GALNT7: variants seen among roughly 807,000 people sequenced by gnomAD.
GALNT7 encodes N-acetylgalactosaminyltransferase 7.
Under a neutral mutation model 82.1 loss-of-function variants are expected in GALNT7, and 60 were observed. That is an observed-to-expected ratio of 0.73 (90% CI 0.59 to 0.91). The LOEUF (loss-of-function observed/expected upper bound fraction) is 0.91, where lower values mean the gene tolerates loss of function less well. Ranked by LOEUF, GALNT7 falls within the 40% of genes least tolerant of loss-of-function variation. GALNT7 has a pLI of 0.00. For synonymous variants in GALNT7, 243 were observed against 275.1 expected (o/e 0.88, Z 1.15); for missense variants, 660 against 804.2 (o/e 0.82, Z 2.17).
chr4:173,320,908 C>T lies in GALNT7; in HGVS notation c.1837-672C>T, dbSNP rs1278557787. Among the ~76,000 whole-genome samples, 2 of 152,190 alleles carry T rather than the reference C, an allele frequency of 1.3e-5. No homozygotes were observed. ...CAACTGTGTGTGGCCATGAGCAATA[C>T]AACTATAGGTACTAGCATAGTTTGA... On this transcript the variant is annotated intron_variant, in intron 11 of 11. Transcript: ENST00000265000. The surrounding 1 kb of genome is among the most constrained non-coding windows in gnomAD (Gnocchi z 4.1).
intron 1 of GALNT7, among the ~76,000 whole-genome samples, chr4:173,224,458 T>C (rs1262035395): frequency 6.6e-6 from 1 of 152,218 alleles, no homozygotes; most frequent in Non-Finnish European, 1.5e-5. Flanking sequence ...GGCATACCTA[T>C]TGTACTTGTA....
chr4:173,211,668 GCA>G lies in GALNT7; in HGVS notation c.127-36299_127-36298del, dbSNP rs145520448. Among the ~76,000 whole-genome samples, 4 of 152,082 alleles carry G rather than the reference GCA, an allele frequency of 2.6e-5. 1 individual carries two copies. Among genetic ancestry groups the G allele is most frequent in the African/African-American group, 2.4e-5 (1 of 41,512 alleles). ...TGCACATGTGTGCACGAGCACGTGTGCACACACACACACATTGTCTAAATAGT... is the reference window on the plus strand; with the variant it reads ...TGCACATGTGTGCACGAGCACGTGTGCACACACACACATTGTCTAAATAGT... On this transcript the variant is annotated intron_variant, in intron 1 of 11. Coordinates refer to ENST00000265000, the MANE Select transcript of GALNT7 (RefSeq NM_017423.3).
At chr4:173,261,312 T>C (rs913371775) in intron 2 of GALNT7, among the ~76,000 whole-genome samples, 12 of 151,926 alleles carry the variant, frequency 7.9e-5, no homozygotes, top group African/African-American at 2.9e-4. Context: ...AGCTTGGGGA[T>C]GTATATCCAG....
chr4:173,225,014 CAAA>C (rs915674683), intron 1 of GALNT7, among the ~76,000 whole-genome samples: 7 of 89,562 alleles, frequency 7.8e-5, no homozygotes, highest in Non-Finnish European at 1.5e-4. Flanking sequence ...GACTCTGTCT[CAAA>C]AAATAATAAT....
chr4:173,288,054 C>T (rs1025348498), intron 2 of GALNT7, among the ~76,000 whole-genome samples: 2 of 151,772 alleles, frequency 1.3e-5, no homozygotes, highest in East Asian at 1.9e-4. Flanking sequence ...GAGGCCGAGG[C>T]GGGCGGATCA....
intron 1 of GALNT7, among the ~76,000 whole-genome samples, chr4:173,236,181 G>A (rs568252365): frequency 1.3e-5 from 2 of 152,264 alleles, no homozygotes; most frequent in South Asian, 4.1e-4. Flanking sequence ...AGAACCGTGA[G>A]GAGTCCAGAG....
intron 2 of GALNT7, among the ~76,000 whole-genome samples, chr4:173,276,856 T>G (rs930221121): frequency 6.6e-6 from 1 of 152,210 alleles, no homozygotes; most frequent in African/African-American, 2.4e-5. Context: ...ATGTATCAGC[T>G]TCTTGTTTGG....
At chr4:173,305,140 C>T (rs1561197902) in intron 8 of GALNT7, among the ~76,000 whole-genome samples, 1 of 152,112 alleles carries the variant, frequency 6.6e-6, no homozygotes, top group African/African-American at 2.4e-5. Context: ...TTCCCACCAA[C>T]AGGTGGGAAG....
chr4:173,236,292 T>C (rs944069474), intron 1 of GALNT7, among the ~76,000 whole-genome samples: 1 of 152,210 alleles, frequency 6.6e-6, no homozygotes, highest in Admixed American at 6.5e-5. Flanking sequence ...TTCCCTGGCC[T>C]ATACCTTCAG....
At chr4:173,213,818 A>G (rs1733357070) in intron 1 of GALNT7, among the ~76,000 whole-genome samples, 1 of 152,252 alleles carries the variant, frequency 6.6e-6, no homozygotes, top group Admixed American at 6.5e-5. Context: ...TTTGCTGGCC[A>G]TTATGTTTTT....
In GALNT7 at chr4:173,168,871, G is replaced by T. The variant is rs1162639623; in HGVS notation, c.36G>T (p.Leu12Phe). The change falls in exon 1 of 12, where the codon TTG becomes TTT. Residue 12 changes from leucine (L) to phenylalanine (F), a missense_variant. Transcript: ENST00000265000. ...RLKIGFILRSLLVVGSFLGLV... is the reference protein window; with the variant it reads ...RLKIGFILRSFLVVGSFLGLV... ...AGATTGGGTTCATCTTACGCAGTTTGCTGGTGGTGGGAAGCTTCCTGGGGC... is the reference window on the plus strand; with the variant it reads ...AGATTGGGTTCATCTTACGCAGTTTTCTGGTGGTGGGAAGCTTCCTGGGGC... 1.9e-6 allele frequency: 3 copies of T among 1,611,662 alleles called. No individual in the cohort carries two copies. The highest frequency in any genetic ancestry group is 2.5e-6 in the Non-Finnish European group (3 of 1,178,510).
rs773263410 is a variant in GALNT7, at chr4:173,248,007, C to G, written c.154C>G (p.Pro52Ala). 7 of 1,612,712 alleles carry G rather than the reference C, an allele frequency of 4.3e-6. No individual in the cohort carries two copies. In the South Asian group the frequency reaches 7.7e-5, roughly 18 times the overall value. ...AGACAGAGATGTCAATGACCCCATGCCCAACCGAGGCGGCAATGGACTAGC... is the reference window on the plus strand; with the variant it reads ...AGACAGAGATGTCAATGACCCCATGGCCAACCGAGGCGGCAATGGACTAGC... ...REDRDVNDPM[P>A]NRGGNGLAPG... The change falls in exon 2 of 12, where the codon CCC becomes GCC. Residue 52 changes from proline to alanine, a missense_variant. Coordinates refer to ENST00000265000, the MANE Select transcript of GALNT7 (RefSeq NM_017423.3).
chr4:173,235,400 C>T (rs913949238), intron 1 of GALNT7, among the ~76,000 whole-genome samples: 1 of 152,220 alleles, frequency 6.6e-6, no homozygotes, highest in African/African-American at 2.4e-5. Context: ...TCTAGTCCTT[C>T]TTGCTTGGCA....
At chr4:173,284,445 A>G (rs1208713326) in intron 2 of GALNT7, among the ~76,000 whole-genome samples, 2 of 152,212 alleles carry the variant, frequency 1.3e-5, no homozygotes, top group African/African-American at 4.8e-5. Context: ...ACATATGTTA[A>G]TATTTTTCCC....
rs558705539 is a variant in GALNT7 at position 173,274,001 on chromosome 4, TC to T, written c.588-18106del. Among the ~76,000 whole-genome samples, 809 of 152,342 alleles carry T rather than the reference TC, an allele frequency of 5.3e-3. 10 individuals are homozygous for T. Among genetic ancestry groups the T allele is most frequent in the African/African-American group, 0.019 (782 of 41,580 alleles). On this transcript the variant is annotated intron_variant, in intron 2 of 11. Coordinates refer to ENST00000265000, the MANE Select transcript of GALNT7 (RefSeq NM_017423.3). ...TATTGGTGTTTGATAAGCTGGTACT[TC>T]TGTAACACAGAATATGGCATGTAAG...
intron 1 of GALNT7, among the ~76,000 whole-genome samples, chr4:173,237,715 A>G (rs1046893418): frequency 6.6e-6 from 1 of 151,822 alleles, no homozygotes. Context: ...CTTTTATTGG[A>G]AACAAGAATC....
chr4:173,294,131 ACATAGGCCATCAATT>A (rs1736634836), intron 3 of GALNT7, among the ~76,000 whole-genome samples: 1 of 152,200 alleles, frequency 6.6e-6, no homozygotes, highest in Non-Finnish European at 1.5e-5. Flanking sequence ...AAAACTTGAA[ACATAGGCCATCAATT>A]CATTTCTGTC....
chr4:173,187,348 T>A (rs1230352306), intron 1 of GALNT7, among the ~76,000 whole-genome samples: 1 of 151,908 alleles, frequency 6.6e-6, no homozygotes, highest in Non-Finnish European at 1.5e-5. Context: ...TCTGGTCATT[T>A]TAGTATTGAG....
intron 2 of GALNT7, among the ~76,000 whole-genome samples, chr4:173,258,546 G>A (rs1406383955): frequency 2.0e-5 from 3 of 152,206 alleles, no homozygotes; most frequent in Non-Finnish European, 2.9e-5. Context: ...GTCAGTGACA[G>A]TAAGGATCAG....
Sources: allele counts gnomAD v4.1 joint callset (sites outside exome capture counted in the v4.1 genomes callset), GRCh38; gene constraint gnomAD v4.1.1; non-coding constraint Gnocchi (gnomAD v3.1); transcripts MANE v1.5; gene names NCBI Gene and HGNC (gene_info 2026-07-23, HGNC 2026-07-21).